ROBO1: variants seen among roughly 807,000 people sequenced by gnomAD.
ROBO1 encodes roundabout homolog 1.
In ROBO1, 149 loss-of-function variants were observed where a neutral mutation model predicts 195.9. The observed-to-expected ratio is 0.76, with a 90% CI of 0.67 to 0.87. ROBO1 has a LOEUF of 0.87. ROBO1 is among the 40% of genes least tolerant of loss of function. The pLI is 0.00. For missense variants in ROBO1, 1,933 were observed against 2,068.3 expected (o/e 0.93, Z 1.27); for synonymous variants, 816 against 733.2 (o/e 1.11, Z -1.82).
Position 79,530,755 on chromosome 3 carries a change from CCACACACACACACACA to C in ROBO1, c.88+59053_88+59068del, listed in dbSNP as rs59568172. ...TATTTAATTCACCCACACCTTGTAACCACACACACACACACACACACACACACACACACACACACAC... is the reference window on the plus strand; with the variant it reads ...TATTTAATTCACCCACACCTTGTAACCACACACACACACACACACACACAC... On this transcript the variant is annotated intron_variant, in intron 2 of 30. Transcript: ENST00000464233. Among the ~76,000 whole-genome samples the C allele has an allele frequency of 6.4e-3, 815 of 128,248 alleles. 11 individuals carry two copies. The highest frequency in any genetic ancestry group is 0.02 in the African/African-American group (687 of 34,470). 84.1% of individuals were successfully genotyped at this position (128,248 alleles called of 152,430 possible). A position where few individuals can be genotyped will look rare whatever the true frequency, so the allele number is the denominator to read the frequency against.
intron 2 of ROBO1, among the ~76,000 whole-genome samples, chr3:79,494,211 T>G (rs1440796292): frequency 6.6e-6 from 1 of 152,180 alleles, no homozygotes; most frequent in Non-Finnish European, 1.5e-5. Context: ...TGAATTCATC[T>G]TTTTTGAATC....
chr3:79,039,750 C>T (rs759912053), intron 3 of ROBO1, among the ~76,000 whole-genome samples: 95 of 144,250 alleles, frequency 6.6e-4, no homozygotes, highest in Non-Finnish European at 1.2e-3. Flanking sequence ...GCAGGTGACC[C>T]GAGATCGCGC....
intron 2 of ROBO1, among the ~76,000 whole-genome samples, chr3:79,519,176 C>T (rs578098466): frequency 2.0e-5 from 3 of 152,112 alleles, no homozygotes; most frequent in Non-Finnish European, 2.9e-5. Context: ...GCATGCTATT[C>T]TTGTGGTAGA....
intron 2 of ROBO1, among the ~76,000 whole-genome samples, chr3:79,342,729 A>T (rs1051963631): frequency 6.6e-6 from 1 of 152,172 alleles, no homozygotes; most frequent in Non-Finnish European, 1.5e-5. Flanking sequence ...TGGAATGATG[A>T]ATCAAATCTT....
At chr3:78,846,367 A>T (rs2033671471) in intron 4 of ROBO1, among the ~76,000 whole-genome samples, 2 of 152,122 alleles carry the variant, frequency 1.3e-5, no homozygotes, top group East Asian at 1.9e-4. Flanking sequence ...TATTTTACTG[A>T]TAATTTAATT....
At chr3:79,023,205 C>A (rs1165546923) in intron 3 of ROBO1, among the ~76,000 whole-genome samples, 4 of 152,176 alleles carry the variant, frequency 2.6e-5, no homozygotes, top group Non-Finnish European at 4.4e-5. Flanking sequence ...CTCCAAGATC[C>A]CATCCCTCAG....
In ROBO1 at chr3:79,589,809, A is replaced by G. The variant is rs1270199501; in HGVS notation, c.88+15T>C. 6.2e-7 allele frequency: 1 copy of G among 1,601,398 alleles called. No individual in the cohort carries two copies. The highest frequency in any genetic ancestry group is 1.1e-5 in the South Asian group (1 of 90,644). ...TACTGGTTAAGTATTGATGAAACAA[A>G]TGCACAGCACTTACCTGGAATAAGC... On this transcript the variant is annotated intron_variant, in intron 2 of 30. Transcript: ENST00000464233.
chr3:79,649,139 TA>T (rs1341155577), intron 1 of ROBO1, among the ~76,000 whole-genome samples: 1 of 152,034 alleles, frequency 6.6e-6, no homozygotes, highest in Non-Finnish European at 1.5e-5. Context: ...GAGTCCCTAG[TA>T]TTTTTTTAAA....
At chr3:78,952,233 A>G (rs2040829030) in intron 3 of ROBO1, among the ~76,000 whole-genome samples, 1 of 151,366 alleles carries the variant, frequency 6.6e-6, no homozygotes, top group Non-Finnish European at 1.5e-5. Flanking sequence ...AAATTCTTAT[A>G]AAACTGTTAA....
chr3:79,232,032 T>C (rs945710991), intron 2 of ROBO1, among the ~76,000 whole-genome samples: 2 of 151,566 alleles, frequency 1.3e-5, no homozygotes, highest in African/African-American at 4.8e-5. Context: ...CATGGACACA[T>C]ACACACAGGG....
chr3:79,427,821 T>G (rs2038510904), intron 2 of ROBO1, among the ~76,000 whole-genome samples: 1 of 152,100 alleles, frequency 6.6e-6, no homozygotes, highest in East Asian at 1.9e-4. Context: ...AATTTAACAC[T>G]TCAAACTATG....
chr3:79,224,158 A>G (rs1007160200), intron 2 of ROBO1, among the ~76,000 whole-genome samples: 4 of 152,172 alleles, frequency 2.6e-5, no homozygotes, highest in Non-Finnish European at 5.9e-5. Flanking sequence ...ATAGACAGAA[A>G]AAAAGGTCTT....
At chr3:79,672,181 A>G (rs1222109284) in intron 1 of ROBO1, among the ~76,000 whole-genome samples, 1 of 151,988 alleles carries the variant, frequency 6.6e-6, no homozygotes, top group Non-Finnish European at 1.5e-5. Context: ...CACCACAATA[A>G]TGCACAGCAT....
intron 2 of ROBO1, among the ~76,000 whole-genome samples, chr3:79,543,863 G>C (rs979905524): frequency 4.6e-5 from 7 of 152,082 alleles, no homozygotes; most frequent in African/African-American, 1.7e-4. Flanking sequence ...ATGCAAATGT[G>C]TGGTATCCTA....
intron 4 of ROBO1, among the ~76,000 whole-genome samples, chr3:78,851,360 C>A (rs2034053202): frequency 6.6e-6 from 1 of 152,140 alleles, no homozygotes; most frequent in Non-Finnish European, 1.5e-5. Context: ...TTTAAAAGCA[C>A]ATGCTTCTTA....
intron 2 of ROBO1, among the ~76,000 whole-genome samples, chr3:79,451,690 T>C (rs922499511): frequency 5.3e-5 from 8 of 152,078 alleles, no homozygotes; most frequent in African/African-American, 1.9e-4. Context: ...AATTAAAATA[T>C]GGTGAAGGTT....
intron 2 of ROBO1, among the ~76,000 whole-genome samples, chr3:79,204,694 A>G (rs746226799): frequency 6.6e-6 from 1 of 152,134 alleles, no homozygotes; most frequent in African/African-American, 2.4e-5. Context: ...GACTCCTTCC[A>G]ACATTTGGCA....
chr3:79,394,861 T>G (rs927843999), intron 2 of ROBO1, among the ~76,000 whole-genome samples: 4 of 152,180 alleles, frequency 2.6e-5, no homozygotes, highest in African/African-American at 9.7e-5. Flanking sequence ...GTTATTCTAA[T>G]ATATATGTTT....
intron 2 of ROBO1, among the ~76,000 whole-genome samples, chr3:79,378,193 C>T (rs957212489): frequency 9.9e-5 from 15 of 151,966 alleles, no homozygotes; most frequent in African/African-American, 3.6e-4. Context: ...CACACATTCT[C>T]TCTCTCTTTC....
Sources: allele counts gnomAD v4.1 joint callset (sites outside exome capture counted in the v4.1 genomes callset), GRCh38; gene constraint gnomAD v4.1.1; transcripts MANE v1.5; gene names NCBI Gene and HGNC (gene_info 2026-07-23, HGNC 2026-07-21).